Variants in EPB41L4A observed in about 807,000 individuals in gnomAD.
The protein encoded by EPB41L4A is erythrocyte membrane protein band 4.1 like 4A.
EPB41L4A carries 100 observed loss-of-function variants against 108.6 expected under a neutral mutation model. The ratio of observed to expected loss-of-function variants is 0.92; its 90% CI spans 0.78 to 1.09. EPB41L4A has a LOEUF of 1.09. Ranked by LOEUF, EPB41L4A falls within the 50% of genes least tolerant of loss-of-function variation. EPB41L4A has a pLI of 0.00. For missense variants in EPB41L4A, 1,030 were observed against 842.7 expected (o/e 1.22, Z -2.75); for synonymous variants, 319 against 289.0 (o/e 1.10, Z -1.05).
chr5:112,161,609 G>GT (rs1759909308), downstream of EPB41L4A: 1 of 519,074 alleles, frequency 1.9e-6, no homozygotes, highest in Non-Finnish European at 3.8e-6. Flanking sequence ...AGCTGCATAA[G>GT]TAACAGTTGC....
At chr5:112,299,717 C>G in intron 2 of EPB41L4A, among the ~76,000 whole-genome samples, 1 of 152,202 alleles carries the variant, frequency 6.6e-6, no homozygotes, top group Non-Finnish European at 1.5e-5. Flanking sequence ...TCTTTGCTGA[C>G]TTCCTATCTT....
chr5:112,345,822 C>CACAT (rs1318184609), intron 1 of EPB41L4A, among the ~76,000 whole-genome samples: 1 of 146,490 alleles, frequency 6.8e-6, no homozygotes, highest in Non-Finnish European at 1.5e-5. Context: ...CACACACACA[C>CACAT]GCACACATAA....
At chr5:112,390,192 G>A (rs557550593) in intron 1 of EPB41L4A, among the ~76,000 whole-genome samples, 3 of 152,312 alleles carry the variant, frequency 2.0e-5, no homozygotes, top group African/African-American at 7.2e-5. Flanking sequence ...ATTTGGGACT[G>A]GTTGGACAGT....
intron 2 of EPB41L4A, among the ~76,000 whole-genome samples, chr5:112,306,932 T>G (rs1296569098): frequency 6.6e-6 from 1 of 152,196 alleles, no homozygotes; most frequent in East Asian, 1.9e-4. Context: ...TATTTTATTT[T>G]GTAACAGCTC....
intron 1 of EPB41L4A, among the ~76,000 whole-genome samples, chr5:112,361,881 G>A (rs1026547980): frequency 1.3e-4 from 20 of 152,000 alleles, no homozygotes; most frequent in Non-Finnish European, 2.4e-4. Context: ...GCAAGACCCT[G>A]TCTCAAATAA....
At chr5:112,146,098 G>C in intron 12 of EPB41L4A, 1 of 403,888 alleles carries the variant, frequency 2.5e-6, no homozygotes, top group Non-Finnish European at 4.9e-6. Context: ...CCATTCATCT[G>C]ATAGGGTCTT....
At chr5:112,371,497 A>G (rs1424934825) in intron 1 of EPB41L4A, among the ~76,000 whole-genome samples, 3 of 152,066 alleles carry the variant, frequency 2.0e-5, no homozygotes, top group Admixed American at 2.0e-4. Context: ...TCCTCAGAGG[A>G]CTCAGTTGCC....
chr5:112,306,049 G>A (rs1754660618), intron 2 of EPB41L4A, among the ~76,000 whole-genome samples: 1 of 152,076 alleles, frequency 6.6e-6, no homozygotes, highest in Non-Finnish European at 1.5e-5. Context: ...AAAAGGTAAG[G>A]GGGAAGATAG....
At chr5:112,167,905 A>G (rs937652174) in intron 22 of EPB41L4A, among the ~76,000 whole-genome samples, 1 of 152,176 alleles carries the variant, frequency 6.6e-6, no homozygotes, top group East Asian at 1.9e-4. Flanking sequence ...TGGTCCAAAA[A>G]CTGTACATGT....
intron 11 of EPB41L4A, among the ~76,000 whole-genome samples, chr5:112,237,103 C>A (rs1441352881): frequency 2.0e-5 from 3 of 152,092 alleles, no homozygotes; most frequent in Admixed American, 6.5e-5. Context: ...ACTAGGAGCA[C>A]CCCACAACTT....
intron 9 of EPB41L4A, among the ~76,000 whole-genome samples, chr5:112,250,088 T>C (rs1481758478): frequency 6.6e-6 from 1 of 152,184 alleles, no homozygotes; most frequent in Non-Finnish European, 1.5e-5. Flanking sequence ...AAAATCACTG[T>C]GCATTTCAGC....
At chr5:112,231,156 G>A (rs575858985) in intron 12 of EPB41L4A, among the ~76,000 whole-genome samples, 1 of 152,118 alleles carries the variant, frequency 6.6e-6, no homozygotes, top group African/African-American at 2.4e-5. Flanking sequence ...AAATATCCAA[G>A]AATTAAAGAT....
chr5:112,393,468 C>A (rs9261614), intron 1 of EPB41L4A, among the ~76,000 whole-genome samples: 3 of 152,244 alleles, frequency 2.0e-5, no homozygotes, highest in African/African-American at 7.2e-5. Flanking sequence ...GACACCTCTA[C>A]GCAAATAAAC....
intron 1 of EPB41L4A, among the ~76,000 whole-genome samples, chr5:112,403,481 G>A (rs1197726264): frequency 6.6e-6 from 1 of 151,936 alleles, no homozygotes; most frequent in African/African-American, 2.4e-5. Flanking sequence ...ATCTAAGCTT[G>A]CCTTTCTTTC....
At chr5:112,340,107 T>A (rs1757213851) in intron 1 of EPB41L4A, among the ~76,000 whole-genome samples, 1 of 152,160 alleles carries the variant, frequency 6.6e-6, no homozygotes, top group African/African-American at 2.4e-5. Flanking sequence ...GGAGAGCCCA[T>A]CGACCCCGCC....
At chr5:112,152,445 G>A (rs1346935818) in intron 12 of EPB41L4A, among the ~76,000 whole-genome samples, 1 of 152,120 alleles carries the variant, frequency 6.6e-6, no homozygotes, top group Admixed American at 6.5e-5. Context: ...TCAAGAAGTG[G>A]AGCCTTTGGG....
At chr5:112,411,713 G>A (rs897159211) in intron 1 of EPB41L4A, among the ~76,000 whole-genome samples, 1 of 152,156 alleles carries the variant, frequency 6.6e-6, no homozygotes, top group East Asian at 1.9e-4. Context: ...AGGGAGCAGG[G>A]AGGGGAAAGA....
At chr5:112,416,294 G>C (rs1762716715) in intron 1 of EPB41L4A, among the ~76,000 whole-genome samples, 1 of 151,996 alleles carries the variant, frequency 6.6e-6, no homozygotes, top group Non-Finnish European at 1.5e-5. Flanking sequence ...ACCTTAACTT[G>C]CTATAATTAA....
chr5:112,217,048 G>A (rs539965667), intron 12 of EPB41L4A, among the ~76,000 whole-genome samples: 2 of 151,582 alleles, frequency 1.3e-5, no homozygotes, highest in Admixed American at 6.6e-5. Flanking sequence ...AGGTTCAAGC[G>A]ATTCTACCAT....
Sources: gnomAD v4.1 joint callset for allele counts (sites outside exome capture counted in the v4.1 genomes callset) on GRCh38, gnomAD v4.1.1 for gene constraint, MANE v1.5 for transcripts, NCBI Gene and HGNC (gene_info 2026-07-23, HGNC 2026-07-21) for gene names.